Variants in SUGCT observed in about 807,000 individuals in gnomAD.
The protein encoded by SUGCT is succinyl-CoA:glutarate-CoA transferase.
SUGCT carries 41 observed loss-of-function variants against 55.0 expected under a neutral mutation model. The observed-to-expected ratio is 0.74, with a 90% CI of 0.58 to 0.97. The LOEUF (loss-of-function observed/expected upper bound fraction) is 0.97, where lower values mean the gene tolerates loss of function less well. SUGCT is among the 50% of genes least tolerant of loss of function. The pLI, the probability that SUGCT is intolerant of heterozygous loss-of-function variation, is 0.00. For synonymous variants in SUGCT, 187 were observed against 200.4 expected (o/e 0.93, Z 0.56); for missense variants, 568 against 547.8 (o/e 1.04, Z -0.37).
the SUGCT span, among the ~76,000 whole-genome samples, chr7:40,915,568 C>T: frequency 6.6e-6 from 1 of 152,060 alleles, no homozygotes; most frequent in Non-Finnish European, 1.5e-5. Context: ...GATATGGTCA[C>T]AGAAAACAAA....
chr7:40,289,258 G>A (rs1427225384), intron 8 of SUGCT, among the ~76,000 whole-genome samples: 1 of 151,982 alleles, frequency 6.6e-6, no homozygotes, highest in Non-Finnish European at 1.5e-5. Context: ...GAGAGTATCA[G>A]AATCATTACA....
intron 9 of SUGCT, among the ~76,000 whole-genome samples, chr7:40,416,093 G>T (rs1429326831): frequency 1.3e-5 from 2 of 151,814 alleles, no homozygotes; most frequent in Non-Finnish European, 2.9e-5. Context: ...TCTTTTCCAA[G>T]GACATTGTTT....
chr7:40,690,500 A>G (rs546130229), intron 12 of SUGCT, among the ~76,000 whole-genome samples: 1 of 152,130 alleles, frequency 6.6e-6, no homozygotes, highest in Admixed American at 6.6e-5. Flanking sequence ...TTTAAAAACT[A>G]CTTTCTCATA....
chr7:40,155,882 G>C (rs1189470424), intron 1 of SUGCT, among the ~76,000 whole-genome samples: 1 of 138,854 alleles, frequency 7.2e-6, no homozygotes, highest in Non-Finnish European at 1.5e-5. Flanking sequence ...TTTTGAGATA[G>C]AGTCTCCCTC....
intron 9 of SUGCT, among the ~76,000 whole-genome samples, chr7:40,338,913 A>C (rs1312711292): frequency 6.6e-6 from 1 of 152,074 alleles, no homozygotes; most frequent in African/African-American, 2.4e-5. Context: ...GATGATGTAC[A>C]TATGGGTTTT....
At chr7:40,147,927 C>T (rs1018311743) in intron 1 of SUGCT, among the ~76,000 whole-genome samples, 1 of 152,224 alleles carries the variant, frequency 6.6e-6, no homozygotes, top group Non-Finnish European at 1.5e-5. Flanking sequence ...CATGCCCTTA[C>T]AGTTGGAGCA....
intron 9 of SUGCT, among the ~76,000 whole-genome samples, chr7:40,356,938 A>G (rs574487389): frequency 6.6e-6 from 1 of 152,338 alleles, no homozygotes; most frequent in Admixed American, 6.5e-5. Flanking sequence ...ATTGCTTCCA[A>G]TGTCTTCAAC....
intron 12 of SUGCT, among the ~76,000 whole-genome samples, chr7:40,722,430 C>T (rs1015177831): frequency 1.3e-5 from 2 of 152,100 alleles, no homozygotes; most frequent in African/African-American, 4.8e-5. Context: ...CATGCTGTGA[C>T]GATATAGTTC....
chr7:40,490,642 C>A lies in SUGCT; in HGVS notation c.987-5642C>A, dbSNP rs138149566. The stretch of plus-strand genomic sequence containing the variant: ...CTGATGTTAGTTACTAGTTGGATTT[C>A]TTTGTGGAGGAGTTCAGCTATACAA... On this transcript the variant is annotated intron_variant, in intron 11 of 13. Transcript: ENST00000335693. 1.6e-3 allele frequency among the ~76,000 whole-genome samples: 240 copies of A among 152,246 alleles called. 2 individuals carry two copies. The highest frequency in any genetic ancestry group is 5.6e-3 in the African/African-American group (231 of 41,538).
chr7:40,360,068 C>T (rs1242734108), intron 9 of SUGCT, among the ~76,000 whole-genome samples: 1 of 152,212 alleles, frequency 6.6e-6, no homozygotes, highest in Admixed American at 6.5e-5. Context: ...GGCTGGAGTG[C>T]AGTGGCACGA....
At chr7:40,675,524 C>A (rs1023996811) in intron 12 of SUGCT, among the ~76,000 whole-genome samples, 1 of 152,204 alleles carries the variant, frequency 6.6e-6, no homozygotes, top group African/African-American at 2.4e-5. Flanking sequence ...AAAAGCACAA[C>A]ACTGAGGCCT....
intron 9 of SUGCT, among the ~76,000 whole-genome samples, chr7:40,405,178 C>T (rs1283731699): frequency 6.6e-6 from 1 of 152,138 alleles, no homozygotes; most frequent in African/African-American, 2.4e-5. Context: ...GCTGTTTTGG[C>T]AAGGCTAAAG....
At chr7:40,980,126 C>T in the SUGCT span, among the ~76,000 whole-genome samples, 1 of 151,954 alleles carries the variant, frequency 6.6e-6, no homozygotes, top group African/African-American at 2.4e-5. Flanking sequence ...TCCTTACATG[C>T]AAGAGAGAGA....
chr7:40,595,877 A>G (rs1325608322), intron 12 of SUGCT, among the ~76,000 whole-genome samples: 1 of 152,162 alleles, frequency 6.6e-6, no homozygotes, highest in African/African-American at 2.4e-5. Context: ...TTAGTAGCTT[A>G]AGCAATTTAT....
At chr7:40,139,115 A>C (rs528918847) in intron 1 of SUGCT, among the ~76,000 whole-genome samples, 1 of 146,878 alleles carries the variant, frequency 6.8e-6, no homozygotes, top group Non-Finnish European at 1.5e-5. Context: ...ACAACAGCAA[A>C]ACTCTGGCTC....
At chr7:40,238,675 T>C (rs1346510531) in intron 7 of SUGCT, among the ~76,000 whole-genome samples, 5 of 152,098 alleles carry the variant, frequency 3.3e-5, no homozygotes, top group Admixed American at 3.3e-4. Flanking sequence ...ATTATTTTCC[T>C]TTGCCTCTAT....
At chr7:40,179,071 T>C (rs943104556) in intron 1 of SUGCT, among the ~76,000 whole-genome samples, 1 of 152,154 alleles carries the variant, frequency 6.6e-6, no homozygotes, top group Non-Finnish European at 1.5e-5. Flanking sequence ...AGAAAGAAGT[T>C]GGATTTCATT....
At chr7:40,854,419 C>CTTTT (rs200586474) in intron 13 of SUGCT, among the ~76,000 whole-genome samples, 1 of 88,804 alleles carries the variant, frequency 1.1e-5, no homozygotes, top group African/African-American at 4.7e-5. Flanking sequence ...TTCTTTCTTT[C>CTTTT]CTTTCTTTCT....
intron 12 of SUGCT, among the ~76,000 whole-genome samples, chr7:40,739,098 C>T (rs1787327604): frequency 1.3e-5 from 2 of 152,094 alleles, no homozygotes; most frequent in African/African-American, 4.8e-5. Context: ...CCCATGTAGC[C>T]CTGTTCCCCA....
Sources: gnomAD v4.1 joint callset for allele counts (sites outside exome capture counted in the v4.1 genomes callset) on GRCh38, gnomAD v4.1.1 for gene constraint, MANE v1.5 for transcripts, NCBI Gene and HGNC (gene_info 2026-07-23, HGNC 2026-07-21) for gene names.